MYT1L: variants seen among roughly 807,000 people sequenced by gnomAD.
MYT1L encodes the protein myelin transcription factor 1-like protein.
A neutral mutation model predicts 126.7 loss-of-function variants in MYT1L; 12 were observed. That is an observed-to-expected ratio of 0.09 (90% CI 0.06 to 0.15). The LOEUF is 0.15. MYT1L is among the 10% of genes least tolerant of loss of function. The probability of loss-of-function intolerance (pLI) is 1.00; values close to 1 mark genes in which losing one functional copy is unlikely to be tolerated. For missense variants in MYT1L, 979 were observed against 1,585.2 expected, an observed-to-expected ratio of 0.62 and a Z score of 6.49; for synonymous variants, 541 against 604.2, an observed-to-expected ratio of 0.90 and a Z score of 1.53.
rs143448226 is a variant in MYT1L at position 1,908,865 on chromosome 2, T to C, written c.1817+1375A>G. The stretch of plus-strand genomic sequence containing the variant: ...CCCCAAATGCAGAAAACTCTAGATG[T>C]AGCTGTGCCACAATTTATTGAGGAG... On this transcript the variant is annotated intron_variant, in intron 13 of 24. Transcript: ENST00000647738. Among the ~76,000 whole-genome samples, 319 of 152,360 alleles carry C rather than the reference T, an allele frequency of 2.1e-3. 1 individual carries two copies. The highest frequency in any genetic ancestry group is 6.4e-3 in the African/African-American group (268 of 41,582).
chr2:1,895,989 C>T (rs1463598529), intron 14 of MYT1L, among the ~76,000 whole-genome samples: 1 of 152,104 alleles, frequency 6.6e-6, no homozygotes, highest in East Asian at 1.9e-4. Flanking sequence ...AATACTTCAA[C>T]AAACAAACCA....
At position 1,950,404 on chromosome 2, in the gene MYT1L, C is replaced by T. The variant is rs1185854382; in HGVS notation, c.153-7070G>A. ...ATTCCTTTATTTGGAAAGCATGTCA[C>T]TGAGCAATACAGACCTACTCCCAAC... On this transcript the variant is annotated intron_variant, in intron 8 of 24. Coordinates refer to ENST00000647738, the MANE Select transcript of MYT1L (RefSeq NM_001303052.2). 2.0e-5 allele frequency among the ~76,000 whole-genome samples: 3 copies of T among 152,128 alleles called. 1 individual carries two copies. Among genetic ancestry groups the T allele is most frequent in the Non-Finnish European group, 4.4e-5 (3 of 68,030 alleles).
chr2:1,981,098 G>T (rs1449188489), intron 5 of MYT1L, among the ~76,000 whole-genome samples: 1 of 151,294 alleles, frequency 6.6e-6, no homozygotes, highest in Admixed American at 6.6e-5. Flanking sequence ...AACTAGCAAG[G>T]CACAACTCAA....
In MYT1L at chr2:2,148,793, G is replaced by A. The variant is rs147993328; in HGVS notation, c.-304+24079C>T. Among the ~76,000 whole-genome samples, 507 of 152,248 alleles carry A rather than the reference G, an allele frequency of 3.3e-3. 8 individuals carry two copies. Among genetic ancestry groups the A allele is most frequent in the African/African-American group, 0.012 (480 of 41,538 alleles). On this transcript the variant is annotated intron_variant, in intron 3 of 24. Coordinates refer to ENST00000647738, the MANE Select transcript of MYT1L (RefSeq NM_001303052.2). ...TTCTTAACACTTTTAGTAAGTTAGTGCACAGCATGAGCCTCCAAAAGGCAG... is the reference window on the plus strand; with the variant it reads ...TTCTTAACACTTTTAGTAAGTTAGTACACAGCATGAGCCTCCAAAAGGCAG...
intron 3 of MYT1L, among the ~76,000 whole-genome samples, chr2:2,082,012 A>T (rs1430564970): frequency 6.6e-5 from 10 of 152,132 alleles, no homozygotes; most frequent in African/African-American, 2.4e-4. Flanking sequence ...AAGTGCTGGG[A>T]TTACAGGTGT....
chr2:1,846,983 T>A (rs1237887799), intron 19 of MYT1L, among the ~76,000 whole-genome samples: 1 of 152,212 alleles, frequency 6.6e-6, no homozygotes, highest in Non-Finnish European at 1.5e-5. Context: ...GACCTGGTGA[T>A]GTCTCCATTT....
rs931544164 is a variant in MYT1L at position 1,790,474 on chromosome 2, G to A, written c.*1393C>T. On this transcript the variant is annotated 3_prime_UTR_variant, in exon 25 of 25. Coordinates refer to ENST00000647738, the MANE Select transcript of MYT1L (RefSeq NM_001303052.2). ...AATCAAATCTGGAAGGTATAAACAA[G>A]TCTAAGATGATCTAGTTTAAAGCAA... 2 of 152,222 alleles carry A rather than the reference G, an allele frequency of 1.3e-5. No individual in the cohort carries two copies. The highest frequency in any genetic ancestry group is 4.8e-5 in the African/African-American group (2 of 41,440). The allele number at this position is 152,222 out of a possible 1,614,324, so 9.4% of individuals were successfully genotyped here.
rs1427577152 is a variant in MYT1L at position 1,943,361 on chromosome 2, GGA to G, written c.153-29_153-28del. 4 of 1,505,000 alleles carry G rather than the reference GGA, an allele frequency of 2.7e-6. No homozygotes were observed. In the South Asian group the frequency reaches 4.1e-5, roughly 15 times the overall value. The allele number at this position is 1,505,000 out of a possible 1,614,324, so 93.2% of individuals were successfully genotyped here. ...TAATTAAAAAAATAGAGAAGGCAGG[GGA>G]GAGAGAGAAAAAAAATATCTGTGTT... On this transcript the variant is annotated intron_variant, in intron 8 of 24. Coordinates refer to ENST00000647738, the MANE Select transcript of MYT1L (RefSeq NM_001303052.2). The surrounding 1 kb of genome is among the most constrained non-coding windows in gnomAD (Gnocchi z 4.4).
chr2:2,313,060 G>A (rs533682854), intron 1 of MYT1L, among the ~76,000 whole-genome samples: 2 of 152,278 alleles, frequency 1.3e-5, no homozygotes, highest in South Asian at 4.1e-4. Flanking sequence ...TGAACTTAGA[G>A]CTGAAGAAAT....
chr2:1,943,542 C>G lies in MYT1L; in HGVS notation c.153-208G>C, dbSNP rs1272822417. On this transcript the variant is annotated intron_variant, in intron 8 of 24. Transcript: ENST00000647738. The surrounding 1 kb of genome is among the most constrained non-coding windows in gnomAD (Gnocchi z 4.4). ...ATGAAGTGATAGTGCAAATAAATAC[C>G]GCTCACATTTGTCTAGTTACCATTC... Among the ~76,000 whole-genome samples the G allele has an allele frequency of 6.6e-6, 1 of 152,122 alleles. No homozygotes were observed. The highest frequency in any genetic ancestry group is 1.5e-5 in the Non-Finnish European group (1 of 68,018).
intron 3 of MYT1L, among the ~76,000 whole-genome samples, chr2:2,143,757 T>C (rs561600542): frequency 2.6e-5 from 4 of 152,188 alleles, no homozygotes; most frequent in South Asian, 4.1e-4. Context: ...TTAAAATGCA[T>C]GTTGACATGG....
At chr2:2,163,353 G>C (rs972590090) in intron 3 of MYT1L, among the ~76,000 whole-genome samples, 1 of 152,088 alleles carries the variant, frequency 6.6e-6, no homozygotes, top group Non-Finnish European at 1.5e-5. Context: ...ATCATCAGTT[G>C]CAAATCTGTG....
chr2:1,891,120 AAT>A (rs150371346), intron 15 of MYT1L, among the ~76,000 whole-genome samples: 7,557 of 152,238 alleles, frequency 0.05, 521 homozygotes, highest in African/African-American at 0.16. Flanking sequence ...TCTAGGACTA[AAT>A]ATACTGATAG....
At chr2:2,171,601 T>C (rs2090060411) in intron 3 of MYT1L, among the ~76,000 whole-genome samples, 1 of 151,950 alleles carries the variant, frequency 6.6e-6, no homozygotes, top group South Asian at 2.1e-4. Context: ...ATAGCTTCTT[T>C]TGTTTTTTTC....
chr2:2,252,442 G>A (rs2094678643), intron 2 of MYT1L, among the ~76,000 whole-genome samples: 1 of 152,332 alleles, frequency 6.6e-6, no homozygotes, highest in South Asian at 2.1e-4. Context: ...CTATTGAGCT[G>A]CAGGGACGGA....
intron 1 of MYT1L, among the ~76,000 whole-genome samples, chr2:2,301,280 C>G (rs2095780801): frequency 6.6e-6 from 1 of 152,156 alleles, no homozygotes; most frequent in African/African-American, 2.4e-5. Flanking sequence ...CTCTGTGTTT[C>G]ATTTCCTCTC....
At chr2:2,212,294 C>G (rs545085795) in intron 2 of MYT1L, among the ~76,000 whole-genome samples, 1 of 150,938 alleles carries the variant, frequency 6.6e-6, no homozygotes, top group African/African-American at 2.4e-5. Context: ...ATGAGTTACC[C>G]GATAATAAAG....
intron 13 of MYT1L, among the ~76,000 whole-genome samples, chr2:1,904,108 A>G (rs915826432): frequency 2.0e-5 from 3 of 152,208 alleles, no homozygotes; most frequent in African/African-American, 7.2e-5. Context: ...CATCTTCATA[A>G]CCGTCAGACA....
chr2:1,974,786 A>G (rs1196211028), intron 8 of MYT1L: 1 of 152,100 alleles, frequency 6.6e-6, no homozygotes, highest in Non-Finnish European at 1.5e-5. Flanking sequence ...AAAATGTAAC[A>G]CCACATTAAG....
Sources: allele counts gnomAD v4.1 joint callset (sites outside exome capture counted in the v4.1 genomes callset), GRCh38; gene constraint gnomAD v4.1.1; non-coding constraint Gnocchi (gnomAD v3.1); transcripts MANE v1.5; gene names NCBI Gene and HGNC (gene_info 2026-07-23, HGNC 2026-07-21).